The following CYB5R3 variants were observed in gnomAD, a reference collection of about 807,000 sequenced individuals.
CYB5R3 encodes the protein cytochrome b5 reductase 3, also known as NADH-cytochrome b5 reductase 3.
In CYB5R3, 28 loss-of-function variants were observed where a neutral mutation model predicts 36.5. The observed-to-expected ratio is 0.77, with a 90% CI of 0.57 to 1.05. CYB5R3 has a LOEUF of 1.05. Ranked by LOEUF, CYB5R3 falls within the 50% of genes least tolerant of loss-of-function variation. CYB5R3 has a pLI of 0.00. For synonymous variants in CYB5R3, 181 were observed against 159.8 expected (o/e 1.13, Z -1.00); for missense variants, 474 against 408.9 (o/e 1.16, Z -1.37).
At chr22:42,644,446 T>G in intron 1 of CYB5R3, 3 of 788,282 alleles carry the variant, frequency 3.8e-6, no homozygotes, top group Non-Finnish European at 6.5e-6. Flanking sequence ...CGTTCGCATA[T>G]GCTCTCCTCT....
At chr22:42,623,275 A>AGTTTG (rs1928081472) in intron 8 of CYB5R3, among the ~76,000 whole-genome samples, 1 of 152,206 alleles carries the variant, frequency 6.6e-6, no homozygotes, top group South Asian at 2.1e-4. Context: ...CGCTGCCTCC[A>AGTTTG]GCTTGGCTCT....
chr22:42,631,131 CG>C, intron 3 of CYB5R3, 143 bp from the exon 4 acceptor site: 1 of 844,254 alleles, frequency 1.2e-6, no homozygotes. Context: ...CCACCCCTCC[CG>C]GGGATTCCCC....
intron 3 of CYB5R3, 124 bp from the exon 4 acceptor site, chr22:42,631,112 G>A (rs543831963): frequency 8.5e-6 from 8 of 942,406 alleles, no homozygotes; most frequent in African/African-American, 8.1e-5. Flanking sequence ...CAGCTCCCAC[G>A]GCCCCCTCCC....
chr22:42,641,006 G>A (rs1019824885), intron 1 of CYB5R3, among the ~76,000 whole-genome samples: 7 of 151,562 alleles, frequency 4.6e-5, no homozygotes, highest in African/African-American at 1.5e-4. Flanking sequence ...ACAGGCGCAC[G>A]TCACCACTCC....
At chr22:42,631,836 A>T in intron 2 of CYB5R3, 1 of 295,236 alleles carries the variant, frequency 3.4e-6, no homozygotes, top group Non-Finnish European at 6.7e-6. Context: ...GGATGGGCAA[A>T]CTGGGGCAGA....
At chr22:42,640,397 G>A (rs1475363883) in intron 1 of CYB5R3, 1 of 494,496 alleles carries the variant, frequency 2.0e-6, no homozygotes, top group Non-Finnish European at 2.9e-6. Flanking sequence ...TTATTTATTT[G>A]AGATGGAGTC....
intron 2 of CYB5R3, chr22:42,631,779 C>T (rs1318246377): frequency 2.4e-6 from 1 of 418,660 alleles, no homozygotes; most frequent in Non-Finnish European, 4.5e-6. Context: ...CCATCTCTGC[C>T]ATCAGCTCAA....
At chr22:42,646,919 G>T in intron 1 of CYB5R3, 2 of 985,570 alleles carry the variant, frequency 2.0e-6, no homozygotes, top group Non-Finnish European at 1.2e-6. Flanking sequence ...AGCACTCACA[G>T]CCGGGCTGGG....
intron 1 of CYB5R3, chr22:42,647,199 A>C: frequency 6.5e-6 from 1 of 154,538 alleles, no homozygotes; most frequent in Non-Finnish European, 1.4e-5. Context: ...AGCACCCACA[A>C]AGGGTAATCC....
At chr22:42,642,854 A>C (rs940159091) in intron 1 of CYB5R3, among the ~76,000 whole-genome samples, 1 of 152,260 alleles carries the variant, frequency 6.6e-6, no homozygotes, top group African/African-American at 2.4e-5. Flanking sequence ...AAGCTGTTTC[A>C]GAGCTTGTTT....
At position 42,636,707 on chromosome 22, in the gene CYB5R3, G is replaced by A; in HGVS notation, c.153+8C>T. The A allele has an allele frequency of 1.2e-6, 2 of 1,610,258 alleles. No homozygotes were observed. The highest frequency in any genetic ancestry group is 8.5e-7 in the Non-Finnish European group (1 of 1,179,610). ...GCTGACGAGGCAGCGGCGGCGGCCG[G>A]CACTCACCTCCCGGTCGATGAGCCG... On this transcript the variant is annotated splice_region_variant and intron_variant, in intron 2 of 8. Coordinates refer to ENST00000352397, the MANE Select transcript of CYB5R3 (RefSeq NM_000398.7).
At chr22:42,627,479 AG>A (rs1374425676) in intron 6 of CYB5R3, 90 bp from the exon 7 acceptor site, 3 of 1,482,504 alleles carry the variant, frequency 2.0e-6, no homozygotes, top group Non-Finnish European at 2.8e-6. Context: ...TGGAGGGGCC[AG>A]GACCACTGGG....
At chr22:42,627,093 C>T (rs1206378134) in intron 7 of CYB5R3, among the ~76,000 whole-genome samples, 2 of 152,298 alleles carry the variant, frequency 1.3e-5, no homozygotes, top group African/African-American at 2.4e-5. Context: ...CGCAAGGCAG[C>T]CCCCTCAGCC....
chr22:42,646,623 G>A (rs1396720670), intron 1 of CYB5R3: 2 of 984,372 alleles, frequency 2.0e-6, no homozygotes, highest in Middle Eastern at 5.2e-4. Context: ...AGACAAGCCA[G>A]TCGGGTGACT....
In CYB5R3 at chr22:42,624,318, T is replaced by C. The variant is rs1189512209; in HGVS notation, c.634-430A>G. ...ATGGCCCCGTGAGAAGGCTCAGGAT[T>C]TGCACCCTCAGCCCTCCGGCAAGTC... On this transcript the variant is annotated intron_variant, in intron 7 of 8. Transcript: ENST00000352397. Among the ~76,000 whole-genome samples, 7 of 152,280 alleles carry C rather than the reference T, an allele frequency of 4.6e-5. No individual in the cohort carries two copies. In the South Asian group the frequency reaches 1.4e-3, roughly 32 times the overall value.
At chr22:42,635,517 G>A (rs899102251) in intron 2 of CYB5R3, among the ~76,000 whole-genome samples, 3 of 152,252 alleles carry the variant, frequency 2.0e-5, no homozygotes, top group South Asian at 2.1e-4. Flanking sequence ...TGGGATTACA[G>A]GCATGAGCCA....
intron 8 of CYB5R3, 63 bp downstream of exon 8, chr22:42,623,725 TG>T: frequency 7.2e-7 from 1 of 1,394,168 alleles, no homozygotes; most frequent in Non-Finnish European, 1.0e-6. Flanking sequence ...CACAAACAGC[TG>T]GGCAAAGGTG....
At chr22:42,637,044 C>A (rs540627365) in intron 1 of CYB5R3, among the ~76,000 whole-genome samples, 198 bp from the exon 2 acceptor site, 13 of 152,318 alleles carry the variant, frequency 8.5e-5, no homozygotes, top group African/African-American at 2.9e-4. Flanking sequence ...CTCATGACAC[C>A]TGTCACTGAG....
chr22:42,627,697 A>G lies in CYB5R3; in HGVS notation c.464-9T>C, dbSNP rs776461061. 4.7e-5 allele frequency: 75 copies of G among 1,604,658 alleles called. No individual in the cohort carries two copies. Among genetic ancestry groups the G allele is most frequent in the Non-Finnish European group, 5.9e-5 (69 of 1,171,728 alleles). ...TCGGATGGCGAACTTCCCTGGGGAGAGAGAAGGGGTGAGGCCCGGCCATCA... is the reference window on the plus strand; with the variant it reads ...TCGGATGGCGAACTTCCCTGGGGAGGGAGAAGGGGTGAGGCCCGGCCATCA... On this transcript the variant is annotated splice_polypyrimidine_tract_variant and intron_variant, in intron 5 of 8. Coordinates refer to ENST00000352397, the MANE Select transcript of CYB5R3 (RefSeq NM_000398.7).
Sources: allele counts gnomAD v4.1 joint callset (sites outside exome capture counted in the v4.1 genomes callset), GRCh38; gene constraint gnomAD v4.1.1; transcripts MANE v1.5; gene names NCBI Gene and HGNC (gene_info 2026-07-23, HGNC 2026-07-21).